Variants in BSPH1 observed in about 807,000 individuals in gnomAD.
BSPH1 encodes the protein binder of sperm protein homolog 1.
A neutral mutation model predicts 22.5 loss-of-function variants in BSPH1; 21 were observed. That is an observed-to-expected ratio of 0.93 (90% CI 0.66 to 1.35). The LOEUF is 1.35. Among genes scored for constraint, BSPH1 ranks in the 40% most tolerant of loss-of-function variants. The pLI is 0.00. For missense variants in BSPH1, 141 were observed against 154.2 expected (o/e 0.91, Z 0.45); for synonymous variants, 42 against 53.6 (o/e 0.78, Z 0.95).
intron 5 of BSPH1, among the ~76,000 whole-genome samples, chr19:47,968,520 G>A (rs910200643): frequency 1.3e-5 from 2 of 151,538 alleles, no homozygotes; most frequent in African/African-American, 4.8e-5. Flanking sequence ...ACCATGCCCA[G>A]CTAATTTTTG....
chr19:47,989,781 T>C (rs1179982030), intron 1 of BSPH1, among the ~76,000 whole-genome samples: 4 of 152,072 alleles, frequency 2.6e-5, no homozygotes, highest in Non-Finnish European at 5.9e-5. Context: ...TCGACCAGCA[T>C]CAAAAACTTG....
Position 47,969,680 on chromosome 19 carries a change from A to AGG in BSPH1, c.*3-1473_*3-1472dup, listed in dbSNP as rs1359166353. 1.3e-3 allele frequency among the ~76,000 whole-genome samples: 167 copies of AGG among 127,316 alleles called. 2 individuals carry two copies. Among genetic ancestry groups the AGG allele is most frequent in the South Asian group, 6.2e-3 (22 of 3,558 alleles). 83.5% of individuals were successfully genotyped at this position (127,316 alleles called of 152,430 possible). ...AAGCCACTACCTGTAAGGCAGGGAG[A>AGG]GGGGGAGAGAGAGAGAGAGAGAGAG... On this transcript the variant is annotated intron_variant, in intron 5 of 5. Coordinates refer to ENST00000344839, the MANE Select transcript of BSPH1 (RefSeq NM_001128326.2).
intron 1 of BSPH1, among the ~76,000 whole-genome samples, chr19:47,985,646 C>G (rs1291099995): frequency 1.3e-5 from 2 of 151,880 alleles, no homozygotes; most frequent in Non-Finnish European, 2.9e-5. Context: ...ACCAGCCTGG[C>G]CAACATGGTG....
Position 47,976,730 on chromosome 19 carries a change from A to G in BSPH1, c.381T>C (p.Ile127=). The change falls in exon 5 of 6, where the codon ATT becomes ATC. Residue 127 remains isoleucine, a synonymous_variant. Coordinates refer to ENST00000344839, the MANE Select transcript of BSPH1 (RefSeq NM_001128326.2). ...CTCACCATCATTCACAGTATTTCCA[A>G]ATTCGGTCCTTGTTAAAATTCTTGG... ...SLTKNFNKDR[I]WKYCE 1.9e-6 allele frequency: 3 copies of G among 1,551,878 alleles called. No homozygotes were observed. Among genetic ancestry groups the G allele is most frequent in the Non-Finnish European group, 2.6e-6 (3 of 1,147,006 alleles).
intron 5 of BSPH1, among the ~76,000 whole-genome samples, chr19:47,970,016 TGA>T (rs922654439): frequency 4.0e-5 from 6 of 150,176 alleles, no homozygotes; most frequent in East Asian, 3.9e-4. Flanking sequence ...TGTGTGTGTG[TGA>T]GAGAGAGAGA....
At chr19:47,986,794 A>G (rs983194128) in intron 1 of BSPH1, among the ~76,000 whole-genome samples, 24 of 152,284 alleles carry the variant, frequency 1.6e-4, no homozygotes, top group Admixed American at 7.9e-4. Flanking sequence ...ACAAAGTACC[A>G]TAGACTGTTT....
downstream of BSPH1, among the ~76,000 whole-genome samples, chr19:47,967,612 A>G (rs1200197453): frequency 1.3e-5 from 2 of 152,072 alleles, no homozygotes; most frequent in African/African-American, 4.8e-5. Context: ...TGTCTGTCCA[A>G]ATTTTCTCTT....
At chr19:47,983,536 C>T (rs1032915521) in intron 1 of BSPH1, among the ~76,000 whole-genome samples, 2 of 152,122 alleles carry the variant, frequency 1.3e-5, no homozygotes, top group African/African-American at 4.8e-5. Context: ...CAGAATGCAA[C>T]ATCCCCATAT....
chr19:47,973,723 C>T (rs1322519725), intron 5 of BSPH1, among the ~76,000 whole-genome samples: 1 of 152,094 alleles, frequency 6.6e-6, no homozygotes. Flanking sequence ...CAAGTACACG[C>T]GGGGAGGGCG....
At chr19:47,981,745 A>G (rs1969422057) in intron 1 of BSPH1, 1 of 976,068 alleles carries the variant, frequency 1.0e-6, no homozygotes, top group Non-Finnish European at 1.2e-6. Context: ...ATATTCTTGG[A>G]ATGAAGGAAA....
intron 1 of BSPH1, among the ~76,000 whole-genome samples, chr19:47,989,110 T>TTTATTATTA (rs199985003): frequency 3.5e-4 from 49 of 138,420 alleles, no homozygotes; most frequent in East Asian, 6.3e-4. Flanking sequence ...AAGTCACCGT[T>TTTATTATTA]TTATTATTAT....
intron 5 of BSPH1, among the ~76,000 whole-genome samples, chr19:47,974,567 G>A (rs994421892): frequency 6.6e-6 from 1 of 151,798 alleles, no homozygotes; most frequent in African/African-American, 2.4e-5. Flanking sequence ...ACTGTGCCCG[G>A]CCTCTCTCTT....
intron 5 of BSPH1, among the ~76,000 whole-genome samples, chr19:47,974,692 G>T (rs1969345177): frequency 6.6e-6 from 1 of 151,834 alleles, no homozygotes; most frequent in Non-Finnish European, 1.5e-5. Flanking sequence ...CTCAATTCCA[G>T]GAATTTCTCT....
rs919460157 is a variant in BSPH1, at chr19:47,991,211, C to T, written c.73+798G>A. ...TTAAATACAGCGCCGACCACACCAC[C>T]GACCACACCGCGAATCAGGCAGACC... On this transcript the variant is annotated intron_variant, in intron 1 of 5. Coordinates refer to ENST00000344839, the MANE Select transcript of BSPH1 (RefSeq NM_001128326.2). 2.0e-5 allele frequency among the ~76,000 whole-genome samples: 3 copies of T among 152,026 alleles called. 1 individual carries two copies. In the South Asian group the frequency reaches 6.2e-4, roughly 32 times the overall value.
intron 5 of BSPH1, among the ~76,000 whole-genome samples, chr19:47,971,651 A>G (rs1969312227): frequency 6.6e-6 from 1 of 152,222 alleles, no homozygotes; most frequent in African/African-American, 2.4e-5. Context: ...TTCCTGCATT[A>G]GGAACTTTGA....
At chr19:47,984,269 TA>T (rs908174909) in intron 1 of BSPH1, among the ~76,000 whole-genome samples, 2 of 149,520 alleles carry the variant, frequency 1.3e-5, no homozygotes, top group Admixed American at 1.3e-4. Context: ...GAAGGGCCCC[TA>T]AAAATTAATA....
intron 1 of BSPH1, among the ~76,000 whole-genome samples, chr19:47,981,147 G>T (rs1969416318): frequency 6.6e-6 from 1 of 152,054 alleles, no homozygotes; most frequent in Non-Finnish European, 1.5e-5. Flanking sequence ...ATTATTAAAG[G>T]ATAGGAATGA....
intron 1 of BSPH1, among the ~76,000 whole-genome samples, chr19:47,987,728 G>C (rs1006195503): frequency 6.6e-6 from 1 of 152,102 alleles, no homozygotes; most frequent in Non-Finnish European, 1.5e-5. Flanking sequence ...GCAGGGCTGG[G>C]TGTGGTGGCT....
chr19:47,969,750 G>A (rs1157514660), intron 5 of BSPH1, among the ~76,000 whole-genome samples: 1 of 149,884 alleles, frequency 6.7e-6, no homozygotes. Context: ...GTGTGTGTGT[G>A]AGAGAGAGAG....
Sources: gnomAD v4.1 joint callset for allele counts (sites outside exome capture counted in the v4.1 genomes callset) on GRCh38, gnomAD v4.1.1 for gene constraint, MANE v1.5 for transcripts, NCBI Gene and HGNC (gene_info 2026-07-23, HGNC 2026-07-21) for gene names.